Variants in ATP6V1H observed in about 807,000 individuals in gnomAD.
The protein encoded by ATP6V1H is V-type proton ATPase subunit H.
A neutral mutation model predicts 71.7 loss-of-function variants in ATP6V1H; 39 were observed. The ratio of observed to expected loss-of-function variants is 0.54; its 90% CI spans 0.42 to 0.71. ATP6V1H has a LOEUF of 0.71. ATP6V1H is among the 30% of genes least tolerant of loss of function. The probability of loss-of-function intolerance (pLI) is 0.00; values close to 1 mark genes in which losing one functional copy is unlikely to be tolerated. For synonymous variants in ATP6V1H, 192 were observed against 199.3 expected, an observed-to-expected ratio of 0.96 and a Z score of 0.31; for missense variants, 509 against 594.9, an observed-to-expected ratio of 0.86 and a Z score of 1.50.
intron 13 of ATP6V1H, among the ~76,000 whole-genome samples, chr8:53,728,887 ATTTTC>A: frequency 6.6e-6 from 1 of 152,190 alleles, no homozygotes; most frequent in Non-Finnish European, 1.5e-5. Flanking sequence ...CTGTGCTGTC[ATTTTC>A]TGTACTTGTT....
rs187053889 is a variant in ATP6V1H at position 53,814,869 on chromosome 8, A to G, written c.421-103T>C. On this transcript the variant is annotated intron_variant, in intron 5 of 13. Coordinates refer to ENST00000359530, the MANE Select transcript of ATP6V1H (RefSeq NM_015941.4). ...TAACAATTTTGCTACACAATTTCTT[A>G]ACACTCAACCCCTCTAAAAATAATA... The G allele has an allele frequency of 5.8e-4, 398 of 688,362 alleles. 4 individuals carry two copies. The highest frequency in any genetic ancestry group is 1.5e-4 in the Non-Finnish European group (59 of 396,006). 42.6% of individuals were successfully genotyped at this position (688,362 alleles called of 1,614,324 possible).
At chr8:53,728,895 T>C (rs545174128) in intron 13 of ATP6V1H, among the ~76,000 whole-genome samples, 8 of 152,252 alleles carry the variant, frequency 5.3e-5, no homozygotes, top group African/African-American at 1.9e-4. Context: ...TCATTTTCTG[T>C]ACTTGTTGGT....
chr8:53,833,100 A>G lies in ATP6V1H; in HGVS notation c.114-14T>C. ...ATCATCTGTCCCCTAGAAAGTAAGA[A>G]TAAGATGTTTTGTTCAGTAAGAGTT... On this transcript the variant is annotated splice_polypyrimidine_tract_variant and intron_variant, in intron 2 of 13. Coordinates refer to ENST00000359530, the MANE Select transcript of ATP6V1H (RefSeq NM_015941.4). The G allele has an allele frequency of 1.3e-6, 2 of 1,599,184 alleles. No individual in the cohort carries two copies. The highest frequency in any genetic ancestry group is 1.1e-5 in the South Asian group (1 of 90,314).
chr8:53,772,557 GC>G (rs1808702164), intron 9 of ATP6V1H, among the ~76,000 whole-genome samples: 1 of 151,894 alleles, frequency 6.6e-6, no homozygotes, highest in East Asian at 1.9e-4. Context: ...TTGCAATCAA[GC>G]CAAGTTCTCC....
At chr8:53,807,448 A>C (rs1480998892) in intron 7 of ATP6V1H, among the ~76,000 whole-genome samples, 1 of 152,164 alleles carries the variant, frequency 6.6e-6, no homozygotes, top group Non-Finnish European at 1.5e-5. Flanking sequence ...TTAGAAAAAA[A>C]AAAAACTAAG....
chr8:53,832,469 T>C (rs909192463), intron 3 of ATP6V1H: 2 of 152,060 alleles, frequency 1.3e-5, no homozygotes, highest in Non-Finnish European at 2.9e-5. Context: ...TTGCTATAAA[T>C]ATGGCAAACA....
intron 9 of ATP6V1H, among the ~76,000 whole-genome samples, chr8:53,775,938 C>G (rs929957325): frequency 6.6e-6 from 1 of 152,242 alleles, no homozygotes; most frequent in South Asian, 2.1e-4. Context: ...GACTGGGCGC[C>G]GTGGAGCAGG....
chr8:53,838,278 A>G (rs1199246638), intron 2 of ATP6V1H, among the ~76,000 whole-genome samples: 1 of 152,102 alleles, frequency 6.6e-6, no homozygotes, highest in Admixed American at 6.6e-5. Context: ...GGCACCTGCC[A>G]CCACACACGG....
chr8:53,818,171 T>C lies in ATP6V1H; in HGVS notation c.307-641A>G, dbSNP rs79136276. 4.5e-3 allele frequency among the ~76,000 whole-genome samples: 689 copies of C among 152,334 alleles called. 1 individual carries two copies. The highest frequency in any genetic ancestry group is 8.2e-3 in the Non-Finnish European group (558 of 68,026). On this transcript the variant is annotated intron_variant, in intron 4 of 13. Coordinates refer to ENST00000359530, the MANE Select transcript of ATP6V1H (RefSeq NM_015941.4). ...TCCACTTTCTGATTCATTATGTGAA[T>C]ATAGTTGTTAAACAGCAATACTTTT...
chr8:53,744,638 G>C (rs1278283783), intron 12 of ATP6V1H, among the ~76,000 whole-genome samples: 1 of 152,110 alleles, frequency 6.6e-6, no homozygotes, highest in Non-Finnish European at 1.5e-5. Flanking sequence ...AGTAGATGGG[G>C]GTCGGAGTGA....
At chr8:53,728,627 C>A (rs1035338812) in intron 13 of ATP6V1H, among the ~76,000 whole-genome samples, 2 of 152,162 alleles carry the variant, frequency 1.3e-5, no homozygotes, top group Non-Finnish European at 2.9e-5. Context: ...TCTGGCAACG[C>A]CATCCACTCG....
At chr8:53,769,263 T>C (rs999646244) in intron 11 of ATP6V1H, among the ~76,000 whole-genome samples, 4 of 152,124 alleles carry the variant, frequency 2.6e-5, no homozygotes, top group African/African-American at 9.7e-5. Flanking sequence ...TGAATTGACC[T>C]ACATCGAAAT....
intron 13 of ATP6V1H, among the ~76,000 whole-genome samples, chr8:53,738,592 G>A (rs554675374): frequency 6.6e-6 from 1 of 152,280 alleles, no homozygotes; most frequent in Admixed American, 6.5e-5. Flanking sequence ...ACTTAGTCAT[G>A]TGCACCTATG....
At chr8:53,767,209 T>C (rs1253402065) in intron 11 of ATP6V1H, among the ~76,000 whole-genome samples, 1 of 152,202 alleles carries the variant, frequency 6.6e-6, no homozygotes, top group Non-Finnish European at 1.5e-5. Context: ...TAATGCAAAC[T>C]ATGTATGAAT....
intron 4 of ATP6V1H, among the ~76,000 whole-genome samples, chr8:53,820,091 T>G (rs990214603): frequency 9.9e-5 from 15 of 151,904 alleles, no homozygotes; most frequent in African/African-American, 3.6e-4. Flanking sequence ...ATAAAGTGCA[T>G]CTGAAAAATG....
intron 9 of ATP6V1H, among the ~76,000 whole-genome samples, chr8:53,776,505 G>GA (rs1386996638): frequency 6.6e-6 from 1 of 152,190 alleles, no homozygotes; most frequent in Non-Finnish European, 1.5e-5. Flanking sequence ...TAAAAGAACT[G>GA]AAAAAAGATT....
rs140693717 is a variant in ATP6V1H at position 53,757,684 on chromosome 8, C to T, written c.1176-1028G>A. On this transcript the variant is annotated intron_variant, in intron 11 of 13. Coordinates refer to ENST00000359530, the MANE Select transcript of ATP6V1H (RefSeq NM_015941.4). ...CAAACTTAAATTAGCCAACTGAACCCACTAGTACACTGAGACACAATATTC... is the reference window on the plus strand; with the variant it reads ...CAAACTTAAATTAGCCAACTGAACCTACTAGTACACTGAGACACAATATTC... Among the ~76,000 whole-genome samples, 336 of 152,256 alleles carry T rather than the reference C, an allele frequency of 2.2e-3. 2 individuals are homozygous for T. The highest frequency in any genetic ancestry group is 7.8e-3 in the African/African-American group (325 of 41,556).
chr8:53,787,451 G>A (rs1809424636), intron 9 of ATP6V1H, among the ~76,000 whole-genome samples: 1 of 152,220 alleles, frequency 6.6e-6, no homozygotes, highest in Non-Finnish European at 1.5e-5. Context: ...ACATGCGTGT[G>A]CATGTTTATG....
chr8:53,770,460 T>C (rs1385068016), intron 10 of ATP6V1H, among the ~76,000 whole-genome samples: 1 of 152,148 alleles, frequency 6.6e-6, no homozygotes, highest in Non-Finnish European at 1.5e-5. Context: ...AAGTAAAAAT[T>C]TATAAAAGAT....
Sources: gnomAD v4.1 joint callset for allele counts (sites outside exome capture counted in the v4.1 genomes callset) on GRCh38, gnomAD v4.1.1 for gene constraint, MANE v1.5 for transcripts, NCBI Gene and HGNC (gene_info 2026-07-23, HGNC 2026-07-21) for gene names.